Variants in COL4A6 observed in about 807,000 individuals in gnomAD.
COL4A6 encodes collagen alpha-6(IV) chain.
In COL4A6, 59 loss-of-function variants were observed where a neutral mutation model predicts 126.7. That is an observed-to-expected ratio of 0.47 (90% CI 0.38 to 0.58). The LOEUF (loss-of-function observed/expected upper bound fraction) is 0.58, where lower values mean the gene tolerates loss of function less well. Ranked by LOEUF, COL4A6 falls within the 20% of genes least tolerant of loss-of-function variation. The pLI is 0.00. For synonymous variants in COL4A6, 547 were observed against 496.6 expected (o/e 1.10, Z -1.35); for missense variants, 1,285 against 1,337.3 (o/e 0.96, Z 0.61).
In COL4A6 at chrX:108,168,144, A is replaced by C. The variant is rs765919948; in HGVS notation, c.3691+1351T>G. On this transcript the variant is annotated intron_variant, in intron 37 of 44. Transcript: ENST00000334504. ...ACCTGTGCTGTTTACTACATGCATA[A>C]TTGTGATTTTATTATCTCAGATAGC... 8.9e-5 allele frequency among the ~76,000 whole-genome samples: 10 copies of C among 112,507 alleles called. No homozygotes were observed. In the East Asian group the frequency reaches 2.8e-3, roughly 31 times the overall value.
chrX:108,424,455 T>C (rs2064036128), intron 2 of COL4A6, among the ~76,000 whole-genome samples: 1 of 111,836 alleles, frequency 8.9e-6, no homozygotes, highest in African/African-American at 3.3e-5. Context: ...TCCTGGAAAA[T>C]CTAGAATATA....
chrX:108,174,399 G>T (rs756806193), intron 31 of COL4A6, 41 bp downstream of exon 31: 279 of 1,179,584 alleles, frequency 2.4e-4, no homozygotes, highest in Middle Eastern at 1.9e-3. Context: ...TGAGATGGGG[G>T]GCCTTTTCTG....
chrX:108,245,460 G>A (rs2036693083), intron 3 of COL4A6, among the ~76,000 whole-genome samples: 1 of 111,883 alleles, frequency 8.9e-6, no homozygotes, highest in Non-Finnish European at 1.9e-5. Context: ...CTCCCCCAAA[G>A]CTGTGACGTA....
chrX:108,231,161 C>G (rs1433633417), intron 3 of COL4A6, among the ~76,000 whole-genome samples: 1 of 111,841 alleles, frequency 8.9e-6, no homozygotes, highest in East Asian at 2.8e-4. Context: ...TCAGGTCTGC[C>G]ACAGCTAATA....
chrX:108,425,919 A>G (rs896912587), intron 2 of COL4A6, among the ~76,000 whole-genome samples: 1 of 111,397 alleles, frequency 9.0e-6, no homozygotes, highest in African/African-American at 3.3e-5. Context: ...AAAGGGGTCT[A>G]CTGTCGTAAA....
At chrX:108,372,131 C>G (rs1386800791) in intron 2 of COL4A6, among the ~76,000 whole-genome samples, 1 of 111,148 alleles carries the variant, frequency 9.0e-6, no homozygotes, top group Non-Finnish European at 1.9e-5. Context: ...AGTCATTTTT[C>G]TCACTGGGGA....
chrX:108,188,103 C>CT (rs1379638408), intron 21 of COL4A6, 76 bp from the exon 22 acceptor site: 1 of 876,644 alleles, frequency 1.1e-6, no homozygotes, highest in East Asian at 3.1e-5. Flanking sequence ...AGCATTATGA[C>CT]TTAGAGCAGA....
At chrX:108,374,668 C>T (rs1253487830) in intron 2 of COL4A6, among the ~76,000 whole-genome samples, 2 of 112,134 alleles carry the variant, frequency 1.8e-5, no homozygotes, top group Non-Finnish European at 3.8e-5. Flanking sequence ...CCTAGACAAG[C>T]AATCTGGCCA....
At chrX:108,194,701 A>T (rs545714296) in intron 15 of COL4A6, 114 bp from the exon 16 acceptor site, 1 of 717,027 alleles carries the variant, frequency 1.4e-6, no homozygotes, top group Admixed American at 2.8e-5. Flanking sequence ...ATTGCAGGGT[A>T]TATGTGGCTT....
Position 108,237,397 on chromosome X carries a change from C to A in COL4A6, c.145-16023G>T, listed in dbSNP as rs368073979. Reference sequence around the variant, plus strand: ...AAACACCCCTACCTGCCCTAGACTTCAAAAATTACAATCTCCTTGCTGATA... The same window carrying A: ...AAACACCCCTACCTGCCCTAGACTTAAAAAATTACAATCTCCTTGCTGATA... On this transcript the variant is annotated intron_variant, in intron 3 of 44. Transcript: ENST00000334504. Among the ~76,000 whole-genome samples, 6 of 111,811 alleles carry A rather than the reference C, an allele frequency of 5.4e-5. No homozygotes were observed. In the East Asian group the frequency reaches 1.7e-3, roughly 32 times the overall value.
At chrX:108,202,365 T>C (rs1175895248) in intron 13 of COL4A6, among the ~76,000 whole-genome samples, 1 of 112,042 alleles carries the variant, frequency 8.9e-6, no homozygotes, top group Non-Finnish European at 1.9e-5. Flanking sequence ...GACTTTTACT[T>C]AGTTACTGTT....
In COL4A6 at chrX:108,180,929, G is replaced by A. The variant is rs764897612; in HGVS notation, c.1991C>T (p.Pro664Leu). The A allele has an allele frequency of 1.2e-5, 15 of 1,209,536 alleles. No individual in the cohort carries two copies. The highest frequency in any genetic ancestry group is 1.2e-4 in the African/African-American group (7 of 57,235). Residue 664 changes from proline to leucine, a missense_variant, in exon 24 of 45, where the codon CCA becomes CTA. Coordinates refer to ENST00000334504, the MANE Select transcript of COL4A6 (RefSeq NM_033641.4). ...TCCGGGAGTGCCTGGAAATCCTGAT[G>A]GACCGTATGACCCAGGAATAATACA... Reference protein sequence around the residue: ...LPCIIPGSYGPSGFPGTPGFP... With the variant: ...LPCIIPGSYGLSGFPGTPGFP...
At chrX:108,258,555 A>C (rs1397557298) in intron 3 of COL4A6, among the ~76,000 whole-genome samples, 3 of 112,124 alleles carry the variant, frequency 2.7e-5, no homozygotes, top group African/African-American at 9.7e-5. Context: ...AAGACACAAC[A>C]AATAGTTAAA....
intron 3 of COL4A6, among the ~76,000 whole-genome samples, chrX:108,247,771 G>A (rs1178864137): frequency 9.0e-6 from 1 of 111,184 alleles, no homozygotes; most frequent in African/African-American, 3.3e-5. Flanking sequence ...GCCCCCCACT[G>A]CCACCAATTC....
At chrX:108,371,448 A>G (rs1242131552) in intron 2 of COL4A6, among the ~76,000 whole-genome samples, 1 of 109,729 alleles carries the variant, frequency 9.1e-6, no homozygotes, top group Non-Finnish European at 1.9e-5. Flanking sequence ...TAGAACTTAT[A>G]TATGTATTGT....
chrX:108,293,075 G>A (rs944009632), intron 3 of COL4A6, among the ~76,000 whole-genome samples: 5 of 106,374 alleles, frequency 4.7e-5, no homozygotes, highest in African/African-American at 1.0e-4. Flanking sequence ...CTTTATTGCC[G>A]GGACCATTTT....
At chrX:108,235,677 C>T (rs943719974) in intron 3 of COL4A6, among the ~76,000 whole-genome samples, 1 of 111,555 alleles carries the variant, frequency 9.0e-6, no homozygotes, top group African/African-American at 3.2e-5. Flanking sequence ...AACTTTCACA[C>T]CGTCATCTAC....
In COL4A6 at chrX:108,310,715, A is replaced by G. The variant is rs994371010; in HGVS notation, c.144+33T>C. On this transcript the variant is annotated intron_variant, in intron 3 of 44. Coordinates refer to ENST00000334504, the MANE Select transcript of COL4A6 (RefSeq NM_033641.4). Reference sequence around the variant, plus strand: ...AACAGATAACAGCTCCCATGCCACTATTTGTCTTTCAACAATGAAATAAGC... The same window carrying G: ...AACAGATAACAGCTCCCATGCCACTGTTTGTCTTTCAACAATGAAATAAGC... The G allele has an allele frequency of 1.0e-5, 12 of 1,143,820 alleles. No individual in the cohort carries two copies. In the African/African-American group the frequency reaches 2.0e-4, roughly 19 times the overall value. 94.3% of individuals were successfully genotyped at this position (1,143,820 alleles called of 1,213,427 possible).
intron 2 of COL4A6, among the ~76,000 whole-genome samples, chrX:108,405,675 A>G (rs1315692476): frequency 9.0e-6 from 1 of 111,208 alleles, no homozygotes; most frequent in Non-Finnish European, 1.9e-5. Flanking sequence ...GTTAGTTTCA[A>G]CTATCATCAA....
Sources: gnomAD v4.1 joint callset for allele counts (sites outside exome capture counted in the v4.1 genomes callset) on GRCh38, gnomAD v4.1.1 for gene constraint, MANE v1.5 for transcripts, NCBI Gene and HGNC (gene_info 2026-07-23, HGNC 2026-07-21) for gene names.